The following RTTN variants were observed in gnomAD, a reference collection of about 807,000 sequenced individuals.
RTTN encodes rotatin.
Under a neutral mutation model 269.2 loss-of-function variants are expected in RTTN, and 182 were observed. The observed-to-expected ratio is 0.68, with a 90% CI of 0.60 to 0.76. RTTN has a LOEUF of 0.76. Among genes scored for constraint, RTTN ranks in the 30% least tolerant of loss-of-function variants. The pLI, the probability that RTTN is intolerant of heterozygous loss-of-function variation, is 0.00. For synonymous variants in RTTN, 1,006 were observed against 963.5 expected (o/e 1.04, Z -0.82); for missense variants, 2,545 against 2,608.6 (o/e 0.98, Z 0.53).
intron 8 of RTTN, 47 bp from the exon 9 acceptor site, chr18:70,190,766 A>G: frequency 1.4e-6 from 2 of 1,395,908 alleles, no homozygotes; most frequent in Non-Finnish European, 2.0e-6. Flanking sequence ...AACAATCCCC[A>G]AACAGATTTA....
Position 70,004,157 on chromosome 18 carries a change from A to G in RTTN, c.6675T>C (p.Ser2225=). 6.2e-7 allele frequency: 1 copy of G among 1,612,384 alleles called. No homozygotes were observed. The highest frequency in any genetic ancestry group is 1.1e-5 in the South Asian group (1 of 91,028). ...CLENLVQLLN[S]S ...GTGTAGCATCCCATGGCACTCAGGAAGAATTAAGGAGCTGCACGAGGTTTT... is the reference window on the plus strand; with the variant it reads ...GTGTAGCATCCCATGGCACTCAGGAGGAATTAAGGAGCTGCACGAGGTTTT... The change falls in exon 49 of 49, where the codon TCT becomes TCC. Residue 2225 remains serine, a synonymous_variant. Transcript: ENST00000640769.
Position 70,205,322 on chromosome 18 carries a change from A to C in RTTN, c.32-7T>G. The C allele has an allele frequency of 6.2e-7, 1 of 1,614,052 alleles. No individual in the cohort carries two copies. Among genetic ancestry groups the C allele is most frequent in the Non-Finnish European group, 8.5e-7 (1 of 1,179,900 alleles). The stretch of plus-strand genomic sequence containing the variant: ...ATCTCGGCCAGCTGATGACCTGTCA[A>C]CGAACGGCACAAAACTATTTTATTT... On this transcript the variant is annotated splice_region_variant and splice_polypyrimidine_tract_variant and intron_variant, in intron 1 of 48. Coordinates refer to ENST00000640769, the MANE Select transcript of RTTN (RefSeq NM_173630.4).
intron 44 of RTTN, among the ~76,000 whole-genome samples, chr18:70,022,771 ACTTT>A (rs1031116453): frequency 1.3e-5 from 2 of 152,064 alleles, no homozygotes; most frequent in Non-Finnish European, 2.9e-5. Context: ...CCCTTCTCTG[ACTTT>A]CTGTGACTGT....
chr18:70,042,801 C>T lies in RTTN; in HGVS notation c.5541+5170G>A, dbSNP rs188237488. 9.2e-5 allele frequency among the ~76,000 whole-genome samples: 14 copies of T among 152,248 alleles called. No individual in the cohort carries two copies. In the East Asian group the frequency reaches 2.3e-3, roughly 25 times the overall value. ...CCTAACTATAAATTATATGTAAGGG[C>T]GATAAAAGACTTTCAGTCATTTAGA... is the stretch of plus-strand genomic sequence containing the variant. On this transcript the variant is annotated intron_variant, in intron 40 of 48. Transcript: ENST00000640769.
chr18:70,054,669 C>CA (rs942778188), intron 37 of RTTN, among the ~76,000 whole-genome samples: 1 of 151,930 alleles, frequency 6.6e-6, no homozygotes, highest in Non-Finnish European at 1.5e-5. Context: ...CCTGTTTCCA[C>CA]AAAAAATATA....
At chr18:70,036,761 C>T (rs768285569) in intron 40 of RTTN, among the ~76,000 whole-genome samples, 1 of 152,130 alleles carries the variant, frequency 6.6e-6, no homozygotes, top group Non-Finnish European at 1.5e-5. Context: ...TGTCTGTCCT[C>T]CCCCAACAGG....
intron 26 of RTTN, among the ~76,000 whole-genome samples, chr18:70,118,255 G>A (rs1206458982): frequency 3.3e-5 from 5 of 151,822 alleles, no homozygotes; most frequent in African/African-American, 7.2e-5. Context: ...AATGAGAAAC[G>A]AAAAGGGAAG....
intron 27 of RTTN, 84 bp from the exon 28 acceptor site, chr18:70,109,801 T>A: frequency 9.5e-7 from 1 of 1,050,560 alleles, no homozygotes. Flanking sequence ...AAAAGGTTAC[T>A]TAAACTCATA....
At chr18:70,011,299 C>T (rs1469672092) in intron 46 of RTTN, among the ~76,000 whole-genome samples, 4 of 152,100 alleles carry the variant, frequency 2.6e-5, no homozygotes, top group Non-Finnish European at 5.9e-5. Context: ...AAGGAAATTT[C>T]AGGCCAATAT....
At chr18:70,168,722 T>C in intron 12 of RTTN, 133 bp downstream of exon 12, 1 of 647,840 alleles carries the variant, frequency 1.5e-6, no homozygotes, top group Non-Finnish European at 2.6e-6. Context: ...AGGTTATGTA[T>C]AATTGACCCA....
chr18:70,161,316 C>A (rs577436935), intron 14 of RTTN, among the ~76,000 whole-genome samples: 12 of 152,100 alleles, frequency 7.9e-5, no homozygotes, highest in African/African-American at 2.9e-4. Context: ...GAAACTGGAC[C>A]CCCTTCCTTT....
In RTTN at chr18:70,059,852, A is replaced by G. The variant is rs1356058824; in HGVS notation, c.4938T>C (p.Cys1646=). 1.3e-6 allele frequency: 2 copies of G among 1,594,862 alleles called. No individual in the cohort carries two copies. The highest frequency in any genetic ancestry group is 1.7e-5 in the Admixed American group (1 of 57,454). Residue 1646 remains cysteine, a splice_region_variant and synonymous_variant, in exon 36 of 49, where the codon TGT becomes TGC. Transcript: ENST00000640769. The stretch of plus-strand genomic sequence containing the variant: ...CTCTAGGAGTATTTATCTCTTACCT[A>G]CAGAGAAGTTCTATGAGATGAGCTT... The part of the protein sequence containing the change: ...FRQAHLIELL[C]SIADATLIQT...
In RTTN at chr18:70,048,004, T is replaced by C; in HGVS notation, c.5508A>G (p.Lys1836=). 2 of 1,614,112 alleles carry C rather than the reference T, an allele frequency of 1.2e-6. No homozygotes were observed. Among genetic ancestry groups the C allele is most frequent in the Non-Finnish European group, 1.7e-6 (2 of 1,179,958 alleles). Residue 1836 remains lysine, a synonymous_variant, in exon 40 of 49, where the codon AAA becomes AAG. Coordinates refer to ENST00000640769, the MANE Select transcript of RTTN (RefSeq NM_173630.4). The part of the protein sequence containing the change: ...SLLDDSQENQ[K]SLEQLSDVIL... ...TTACATCACTAAGTTGTTCTAGAGA[T>C]TTCTGATTTTCCTGAGAGTCATCAA...
chr18:70,186,080 C>CAAA (rs59754982), intron 10 of RTTN, among the ~76,000 whole-genome samples: 6 of 112,544 alleles, frequency 5.3e-5, no homozygotes, highest in African/African-American at 9.4e-5. Flanking sequence ...CTCTCCCCCC[C>CAAA]AAAAAAAAAA....
chr18:70,090,588 G>C (rs2058819220), intron 30 of RTTN, among the ~76,000 whole-genome samples: 1 of 152,140 alleles, frequency 6.6e-6, no homozygotes, highest in Non-Finnish European at 1.5e-5. Flanking sequence ...TGAAACCTCT[G>C]ATAAGGGAGG....
chr18:70,102,847 T>C (rs1299464545), intron 28 of RTTN, among the ~76,000 whole-genome samples: 1 of 152,242 alleles, frequency 6.6e-6, no homozygotes, highest in African/African-American at 2.4e-5. Flanking sequence ...TTTGGCAGGA[T>C]ATGAAATTCT....
intron 10 of RTTN, among the ~76,000 whole-genome samples, chr18:70,183,417 T>C (rs1433111331): frequency 6.6e-6 from 1 of 152,162 alleles, no homozygotes; most frequent in Admixed American, 6.5e-5. Context: ...GAGATTTAAA[T>C]TGAACAACTC....
At chr18:70,110,627 G>A (rs760292951) in intron 27 of RTTN, among the ~76,000 whole-genome samples, 2 of 152,132 alleles carry the variant, frequency 1.3e-5, no homozygotes, top group African/African-American at 4.8e-5. Flanking sequence ...AAAACTGGGC[G>A]GCCATTTGGG....
intron 26 of RTTN, among the ~76,000 whole-genome samples, chr18:70,121,048 C>A (rs536044631): frequency 6.7e-6 from 1 of 150,244 alleles, no homozygotes; most frequent in African/African-American, 2.5e-5. Flanking sequence ...GAGACGCCGT[C>A]TCAAAAAAAA....
Sources: allele counts gnomAD v4.1 joint callset (sites outside exome capture counted in the v4.1 genomes callset), GRCh38; gene constraint gnomAD v4.1.1; transcripts MANE v1.5; gene names NCBI Gene and HGNC (gene_info 2026-07-23, HGNC 2026-07-21).